The following CADM2 variants were observed in gnomAD, a reference collection of about 807,000 sequenced individuals.
CADM2 encodes cell adhesion molecule 2.
In CADM2, 12 loss-of-function variants were observed where a neutral mutation model predicts 49.8. The observed-to-expected ratio is 0.24, with a 90% confidence interval of 0.15 to 0.39. The LOEUF is 0.39. CADM2 is among the 10% of genes least tolerant of loss of function. The probability of loss-of-function intolerance (pLI) is 1.00; values close to 1 mark genes in which losing one functional copy is unlikely to be tolerated. For missense variants in CADM2, 378 were observed against 492.3 expected, an observed-to-expected ratio of 0.77 and a Z score of 2.20; for synonymous variants, 214 against 175.4, an observed-to-expected ratio of 1.22 and a Z score of -1.74.
intron 1 of CADM2, among the ~76,000 whole-genome samples, chr3:85,627,196 CT>C (rs60070672): frequency 0.043 from 6,474 of 151,916 alleles, 454 homozygotes; most frequent in African/African-American, 0.15. Context: ...TTAAAACGAC[CT>C]TCCTTTTACT....
intron 1 of CADM2, among the ~76,000 whole-genome samples, chr3:85,139,559 GT>G (rs1289293027): frequency 1.3e-5 from 2 of 151,590 alleles, no homozygotes; most frequent in Non-Finnish European, 2.9e-5. Context: ...AATACTATGT[GT>G]TTTTCTTTGC....
rs987182248 is a variant in CADM2, at chr3:85,180,439, G to A, written c.61+220771G>A. ...TGGGAGGATGGCTTGAGACCAGGAG[G>A]TGGAGGTTGCAATGAGCCGCGGTAG... On this transcript the variant is annotated intron_variant, in intron 1 of 9. Coordinates refer to ENST00000383699, the MANE Select transcript of CADM2 (RefSeq NM_001167675.2). 8.6e-5 allele frequency among the ~76,000 whole-genome samples: 13 copies of A among 150,922 alleles called. 1 individual carries two copies. Among genetic ancestry groups the A allele is most frequent in the East Asian group, 2.0e-4 (1 of 5,096 alleles).
chr3:85,941,150 C>T (rs1214359617), intron 7 of CADM2, among the ~76,000 whole-genome samples: 1 of 152,010 alleles, frequency 6.6e-6, no homozygotes, highest in African/African-American at 2.4e-5. Context: ...AAATGTCGGC[C>T]TCCAAGTAAT....
intron 3 of CADM2, among the ~76,000 whole-genome samples, chr3:85,803,002 TA>T (rs2072151233): frequency 1.3e-5 from 2 of 152,056 alleles, no homozygotes; most frequent in Non-Finnish European, 2.9e-5. Context: ...AGTCTTAATA[TA>T]TTTTTTAATG....
intron 1 of CADM2, among the ~76,000 whole-genome samples, chr3:85,188,694 C>T (rs181258217): frequency 7.9e-5 from 12 of 151,924 alleles, no homozygotes; most frequent in Non-Finnish European, 2.9e-5. Flanking sequence ...TTTTTCTAAG[C>T]GTGAAAATCC....
intron 1 of CADM2, among the ~76,000 whole-genome samples, chr3:85,292,725 T>A (rs2043836713): frequency 6.6e-6 from 1 of 152,090 alleles, no homozygotes; most frequent in Admixed American, 6.6e-5. Flanking sequence ...GAAATAAAGA[T>A]GTTCTTTGAA....
chr3:86,018,195 A>C (rs1732577639), intron 8 of CADM2, among the ~76,000 whole-genome samples: 1 of 123,086 alleles, frequency 8.1e-6, no homozygotes, highest in Non-Finnish European at 1.7e-5. Context: ...TGTCCCTACA[A>C]AGGACATGAA....
chr3:85,900,605 G>A (rs984334590), intron 5 of CADM2, among the ~76,000 whole-genome samples: 1 of 152,062 alleles, frequency 6.6e-6, no homozygotes, highest in African/African-American at 2.4e-5. Context: ...TTTTAAACTT[G>A]TGATTAATTA....
At chr3:85,329,973 T>G (rs796455836) in intron 1 of CADM2, among the ~76,000 whole-genome samples, 9 of 152,230 alleles carry the variant, frequency 5.9e-5, no homozygotes, top group East Asian at 1.9e-4. Flanking sequence ...GAAAATCAAT[T>G]TTATTGGCTG....
At chr3:85,350,875 A>C (rs1373999287) in intron 1 of CADM2, among the ~76,000 whole-genome samples, 1 of 152,212 alleles carries the variant, frequency 6.6e-6, no homozygotes, top group Non-Finnish European at 1.5e-5. Context: ...GTATAGTTTA[A>C]AATAAGGGGT....
chr3:86,060,616 A>C (rs932494711), intron 8 of CADM2, among the ~76,000 whole-genome samples: 1 of 152,192 alleles, frequency 6.6e-6, no homozygotes, highest in Non-Finnish European at 1.5e-5. Context: ...TTCCTTATAA[A>C]TTACCCAGTC....
At chr3:85,350,223 C>T (rs1359040871) in intron 1 of CADM2, among the ~76,000 whole-genome samples, 1 of 152,152 alleles carries the variant, frequency 6.6e-6, no homozygotes, top group Non-Finnish European at 1.5e-5. Flanking sequence ...TAAATGCTTT[C>T]ATACCACTAT....
chr3:85,400,917 A>T (rs2035074803), intron 1 of CADM2, among the ~76,000 whole-genome samples: 1 of 152,024 alleles, frequency 6.6e-6, no homozygotes, highest in African/African-American at 2.4e-5. Context: ...TTAGTTGTGA[A>T]TCAGTTGTGT....
chr3:85,410,363 A>G (rs1402497533), intron 1 of CADM2, among the ~76,000 whole-genome samples: 3 of 152,132 alleles, frequency 2.0e-5, no homozygotes, highest in African/African-American at 7.2e-5. Flanking sequence ...ACTCTTGAGC[A>G]TTATACCAGA....
At chr3:85,615,247 AAGAG>A (rs1250712585) in intron 1 of CADM2, among the ~76,000 whole-genome samples, 1 of 151,956 alleles carries the variant, frequency 6.6e-6, no homozygotes, top group Non-Finnish European at 1.5e-5. Context: ...AAAAGAAAGA[AAGAG>A]AAAGAAAGAA....
At chr3:85,842,593 A>G (rs144712983) in intron 3 of CADM2, among the ~76,000 whole-genome samples, 157 of 152,238 alleles carry the variant, frequency 1.0e-3, no homozygotes, top group African/African-American at 3.6e-3. Context: ...CGATGAGGTA[A>G]CATCACATGT....
At chr3:84,993,186 G>C (rs1190674473) in intron 1 of CADM2, among the ~76,000 whole-genome samples, 1 of 152,148 alleles carries the variant, frequency 6.6e-6, no homozygotes, top group Non-Finnish European at 1.5e-5. Context: ...TCGGGCCCAA[G>C]TGGGAACCCA....
intron 7 of CADM2, among the ~76,000 whole-genome samples, chr3:85,947,383 G>A (rs1258847919): frequency 6.6e-6 from 1 of 151,552 alleles, no homozygotes; most frequent in Admixed American, 6.6e-5. Context: ...ATTGGGATGT[G>A]TATGTGTGTG....
chr3:85,132,508 G>A (rs1026516938), intron 1 of CADM2, among the ~76,000 whole-genome samples: 4 of 151,924 alleles, frequency 2.6e-5, no homozygotes, highest in African/African-American at 2.4e-5. Flanking sequence ...GCTTCCCTGG[G>A]TATATTCAGC....
Sources: allele counts gnomAD v4.1 joint callset (sites outside exome capture counted in the v4.1 genomes callset), GRCh38; gene constraint gnomAD v4.1.1; transcripts MANE v1.5; gene names NCBI Gene and HGNC (gene_info 2026-07-23, HGNC 2026-07-21).